DGKB: variants seen among roughly 807,000 people sequenced by gnomAD.
The protein encoded by DGKB is 90 kDa diacylglycerol kinase.
A neutral mutation model predicts 114.3 loss-of-function variants in DGKB; 67 were observed. That is an observed-to-expected ratio of 0.59 (90% CI 0.48 to 0.72). The LOEUF (loss-of-function observed/expected upper bound fraction) is 0.72, where lower values mean the gene tolerates loss of function less well. DGKB is among the 30% of genes least tolerant of loss of function. The pLI, the probability that DGKB is intolerant of heterozygous loss-of-function variation, is 0.00. For missense variants in DGKB, 907 were observed against 975.2 expected (o/e 0.93, Z 0.93); for synonymous variants, 398 against 323.1 (o/e 1.23, Z -2.49).
At chr7:14,636,836 T>C (rs1035455178) in intron 13 of DGKB, among the ~76,000 whole-genome samples, 3 of 151,962 alleles carry the variant, frequency 2.0e-5, no homozygotes, top group African/African-American at 4.8e-5. Context: ...AAAACACTAA[T>C]TATTTTTGTC....
At chr7:14,159,759 G>A (rs1319333505) in intron 25 of DGKB, among the ~76,000 whole-genome samples, 2 of 152,054 alleles carry the variant, frequency 1.3e-5, no homozygotes, top group Non-Finnish European at 2.9e-5. Context: ...AACCACCCCC[G>A]TCTCCTGGGT....
At chr7:14,734,676 T>C (rs1277241605) in intron 5 of DGKB, among the ~76,000 whole-genome samples, 2 of 152,196 alleles carry the variant, frequency 1.3e-5, no homozygotes, top group Non-Finnish European at 2.9e-5. Context: ...TTTTTGAAAA[T>C]AGTTATTTTT....
intron 25 of DGKB, among the ~76,000 whole-genome samples, chr7:14,156,789 T>A (rs577419198): frequency 5.3e-4 from 80 of 152,278 alleles, no homozygotes; most frequent in African/African-American, 1.9e-3. Context: ...GGAAATAATT[T>A]TCTTTGGCGT....
At chr7:14,908,933 A>T (rs976577062) in intron 1 of DGKB, among the ~76,000 whole-genome samples, 1 of 152,184 alleles carries the variant, frequency 6.6e-6, no homozygotes. Context: ...TAAATCAGCC[A>T]TCTGTGTGGT....
chr7:14,770,400 T>C (rs1837240900), intron 2 of DGKB, among the ~76,000 whole-genome samples: 1 of 152,100 alleles, frequency 6.6e-6, no homozygotes, highest in Non-Finnish European at 1.5e-5. Context: ...TTCTCTGTTA[T>C]AAAGAAATGT....
At chr7:14,630,137 T>C (rs937890598) in intron 14 of DGKB, 99 bp downstream of exon 14, 5 of 666,008 alleles carry the variant, frequency 7.5e-6, no homozygotes, top group Non-Finnish European at 1.2e-5. Context: ...ATGCTGGTAT[T>C]CGAATGTCAC....
intron 1 of DGKB, among the ~76,000 whole-genome samples, chr7:14,886,098 A>C (rs1855007670): frequency 6.6e-6 from 1 of 151,932 alleles, no homozygotes; most frequent in African/African-American, 2.4e-5. Flanking sequence ...TAGCAAGTTA[A>C]GAATACAGTT....
At chr7:14,468,430 T>A (rs1319989527) in intron 21 of DGKB, among the ~76,000 whole-genome samples, 1 of 152,082 alleles carries the variant, frequency 6.6e-6, no homozygotes, top group Non-Finnish European at 1.5e-5. Flanking sequence ...AAACACGAGA[T>A]AAATTGAGGA....
At chr7:14,476,755 A>ATTTT (rs11386744) in intron 21 of DGKB, among the ~76,000 whole-genome samples, 1 of 135,372 alleles carries the variant, frequency 7.4e-6, no homozygotes, top group Non-Finnish European at 1.6e-5. Flanking sequence ...TACTAAAAAC[A>ATTTT]TTTTTTTTTT....
At chr7:14,518,132 TA>T (rs1789150286) in intron 20 of DGKB, among the ~76,000 whole-genome samples, 1 of 152,042 alleles carries the variant, frequency 6.6e-6, no homozygotes, top group East Asian at 1.9e-4. Flanking sequence ...TATGCAGCCA[TA>T]AAAAAGAATG....
At chr7:14,748,654 CAA>C (rs1168635581) in intron 4 of DGKB, among the ~76,000 whole-genome samples, 2 of 152,132 alleles carry the variant, frequency 1.3e-5, no homozygotes, top group Non-Finnish European at 2.9e-5. Flanking sequence ...ATTAGATCAT[CAA>C]AAGAGAGTTA....
intron 5 of DGKB, among the ~76,000 whole-genome samples, chr7:14,733,561 C>T (rs1831219710): frequency 1.3e-5 from 2 of 151,940 alleles, no homozygotes; most frequent in Admixed American, 6.6e-5. Context: ...TTGGCATGCT[C>T]CTGTAGTTCC....
At chr7:14,556,080 A>G (rs1795823103) in intron 20 of DGKB, among the ~76,000 whole-genome samples, 1 of 152,170 alleles carries the variant, frequency 6.6e-6, no homozygotes, top group South Asian at 2.1e-4. Context: ...TTCAAGAATG[A>G]TCTCTTGGGG....
intron 1 of DGKB, among the ~76,000 whole-genome samples, chr7:14,910,159 T>C (rs1783909578): frequency 6.6e-6 from 1 of 151,650 alleles, no homozygotes; most frequent in African/African-American, 2.4e-5. Context: ...GAGAATTGCT[T>C]GAACCTGGGA....
At chr7:14,170,187 A>AAGATAGAAAGAG (rs1554272195) in intron 25 of DGKB, among the ~76,000 whole-genome samples, 1 of 136,908 alleles carries the variant, frequency 7.3e-6, no homozygotes, top group African/African-American at 2.8e-5. Flanking sequence ...GAAAGAAAGA[A>AAGATAGAAAGAG]AGAAAGAAAG....
At chr7:14,643,640 G>A (rs758699836) in intron 13 of DGKB, among the ~76,000 whole-genome samples, 8 of 152,092 alleles carry the variant, frequency 5.3e-5, no homozygotes, top group Non-Finnish European at 1.0e-4. Context: ...CCCTTAGGAA[G>A]TCTGCCTCCA....
chr7:14,655,425 C>T (rs1338869901), intron 13 of DGKB, among the ~76,000 whole-genome samples: 1 of 151,606 alleles, frequency 6.6e-6, no homozygotes, highest in Non-Finnish European at 1.5e-5. Context: ...GGAATTCATA[C>T]ATTGTTGGAA....
intron 2 of DGKB, among the ~76,000 whole-genome samples, chr7:14,791,754 C>T (rs553825710): frequency 6.6e-6 from 1 of 152,186 alleles, no homozygotes; most frequent in South Asian, 2.1e-4. Context: ...TTGAACTAAC[C>T]TCATATCCCT....
At chr7:14,258,543 A>T (rs1796277031) in intron 23 of DGKB, among the ~76,000 whole-genome samples, 1 of 152,206 alleles carries the variant, frequency 6.6e-6, no homozygotes, top group South Asian at 2.1e-4. Context: ...TAATCCAAGA[A>T]CATTTAATCA....
Sources: allele counts gnomAD v4.1 joint callset (sites outside exome capture counted in the v4.1 genomes callset), GRCh38; gene constraint gnomAD v4.1.1; transcripts MANE v1.5; gene names NCBI Gene and HGNC (gene_info 2026-07-23, HGNC 2026-07-21).